RASEF: variants seen among roughly 807,000 people sequenced by gnomAD.
RASEF encodes the protein RAS and EF-hand domain containing.
Under a neutral mutation model 90.1 loss-of-function variants are expected in RASEF, and 68 were observed. That is an observed-to-expected ratio of 0.75 (90% confidence interval 0.62 to 0.92). The LOEUF (loss-of-function observed/expected upper bound fraction) is 0.92. Ranked by LOEUF, RASEF falls within the 40% of genes least tolerant of loss-of-function variation. The pLI, the probability that RASEF is intolerant of heterozygous loss-of-function variation, is 0.00. For missense variants in RASEF, 949 were observed against 937.2 expected, an observed-to-expected ratio of 1.01 and a Z score of -0.16; for synonymous variants, 331 against 345.2, an observed-to-expected ratio of 0.96 and a Z score of 0.46.
chr9:82,998,484 T>C, intron 12 of RASEF, 38 bp from the exon 13 acceptor site: 1 of 1,310,974 alleles, frequency 7.6e-7, no homozygotes, highest in East Asian at 2.3e-5. Flanking sequence ...ACGATGTAAA[T>C]AATTCCATTG....
At chr9:83,132,660 A>G in the RASEF span, among the ~76,000 whole-genome samples, 1 of 152,286 alleles carries the variant, frequency 6.6e-6, no homozygotes, top group Non-Finnish European at 1.5e-5. Flanking sequence ...TTCATATGCT[A>G]ATGAGCATGT....
Position 82,983,150 on chromosome 9 carries a change from CACACA to C in RASEF, c.2118-373_2118-369del, listed in dbSNP as rs1564066615. 4.7e-4 allele frequency among the ~76,000 whole-genome samples: 71 copies of C among 150,776 alleles called. 1 individual carries two copies. The highest frequency in any genetic ancestry group is 8.0e-4 in the Non-Finnish European group (54 of 67,638). On this transcript the variant is annotated intron_variant, in intron 16 of 16. Transcript: ENST00000376447. Reference sequence around the variant, plus strand: ...ACACACACACACACACACACACACACACACACCCTTCTCCCCTCACTCTCTCCTGA... The same window carrying C: ...ACACACACACACACACACACACACACCCCTTCTCCCCTCACTCTCTCCTGA...
upstream of RASEF, among the ~76,000 whole-genome samples, chr9:83,067,316 T>C (rs994369353): frequency 5.3e-5 from 8 of 152,170 alleles, no homozygotes; most frequent in African/African-American, 1.9e-4. Flanking sequence ...CATGAATATA[T>C]ACTCAGAGCT....
chr9:83,121,029 C>T, the RASEF span, among the ~76,000 whole-genome samples: 1 of 152,114 alleles, frequency 6.6e-6, no homozygotes, highest in African/African-American at 2.4e-5. Context: ...TCAAAATCTG[C>T]CTTCATATTA....
chr9:82,990,303 A>G (rs1828788805), intron 16 of RASEF, 88 bp downstream of exon 16: 1 of 855,060 alleles, frequency 1.2e-6, no homozygotes, highest in South Asian at 1.5e-5. Flanking sequence ...GTTTTCCCGC[A>G]TATATTCTAT....
intron 9 of RASEF, 49 bp from the exon 10 acceptor site, chr9:83,001,179 A>C: frequency 7.3e-7 from 1 of 1,369,600 alleles, no homozygotes; most frequent in South Asian, 1.2e-5. Flanking sequence ...GAAATGCTCA[A>C]GAACATACAG....
chr9:83,082,970 C>T, the RASEF span, among the ~76,000 whole-genome samples: 1 of 152,142 alleles, frequency 6.6e-6, no homozygotes, highest in African/African-American at 2.4e-5. Flanking sequence ...AGACACATAT[C>T]TGTAGCAAAC....
intron 1 of RASEF, among the ~76,000 whole-genome samples, chr9:83,037,272 T>C (rs1564084955): frequency 6.6e-6 from 1 of 151,752 alleles, no homozygotes; most frequent in African/African-American, 2.4e-5. Context: ...TTCAAAAAGG[T>C]AAATGAGGCT....
chr9:83,038,176 T>A (rs1451694543), intron 1 of RASEF, among the ~76,000 whole-genome samples: 3 of 152,124 alleles, frequency 2.0e-5, no homozygotes, highest in Non-Finnish European at 2.9e-5. Flanking sequence ...TGTTAATAAA[T>A]TTGTCAAAGT....
At chr9:83,055,486 T>C in intron 1 of RASEF, 1 of 677,930 alleles carries the variant, frequency 1.5e-6, no homozygotes, top group Non-Finnish European at 2.7e-6. Flanking sequence ...CAGATGGAAA[T>C]GCAGAAATCA....
At chr9:83,160,506 AG>A in the RASEF span, among the ~76,000 whole-genome samples, 41 of 152,318 alleles carry the variant, frequency 2.7e-4, no homozygotes, top group African/African-American at 8.2e-4. Flanking sequence ...AGCATTCAAG[AG>A]GTGGCTTGGG....
chr9:83,055,694 A>G (rs1830090131), intron 1 of RASEF: 4 of 717,312 alleles, frequency 5.6e-6, no homozygotes, highest in Non-Finnish European at 7.8e-6. Flanking sequence ...CTGTAATACA[A>G]AAGTCATCCA....
At chr9:83,004,419 A>ATTCTATT in intron 9 of RASEF, 79 bp downstream of exon 9, 7 of 809,608 alleles carry the variant, frequency 8.6e-6, no homozygotes, top group Non-Finnish European at 1.2e-5. Flanking sequence ...CTATTATTTT[A>ATTCTATT]ATCCACCTCC....
At chr9:83,185,913 C>T in the RASEF span, among the ~76,000 whole-genome samples, 2 of 152,038 alleles carry the variant, frequency 1.3e-5, no homozygotes, top group Non-Finnish European at 2.9e-5. Flanking sequence ...GGGGTGCAGC[C>T]ACCACGGGAG....
the RASEF span, among the ~76,000 whole-genome samples, chr9:83,075,983 C>T: frequency 6.6e-6 from 1 of 151,914 alleles, no homozygotes; most frequent in South Asian, 2.1e-4. Flanking sequence ...GCCTGGCCAC[C>T]ACAGTGAAAC....
the RASEF span, among the ~76,000 whole-genome samples, chr9:83,121,831 C>G: frequency 9.7e-6 from 1 of 103,286 alleles, no homozygotes; most frequent in Admixed American, 8.7e-5. Context: ...ATGCAGAGAG[C>G]AATGACTCTG....
chr9:82,985,116 A>G, intron 16 of RASEF, among the ~76,000 whole-genome samples: 1 of 152,234 alleles, frequency 6.6e-6, no homozygotes, highest in Non-Finnish European at 1.5e-5. Flanking sequence ...TGGGAAAAAG[A>G]GATAGAAATT....
chr9:83,008,891 CATATATATATATATATATATA>C (rs1358468132), intron 6 of RASEF, among the ~76,000 whole-genome samples: 6 of 19,564 alleles, frequency 3.1e-4, no homozygotes, highest in Non-Finnish European at 5.8e-4. Flanking sequence ...AAGTTCTCAT[CATATATATATATATATATATA>C]TATATATATA....
chr9:83,066,400 G>C (rs1587534911), upstream of RASEF, among the ~76,000 whole-genome samples: 1 of 152,238 alleles, frequency 6.6e-6, no homozygotes, highest in Non-Finnish European at 1.5e-5. Flanking sequence ...CAGCAGGAAT[G>C]TTTTTGAATA....
Sources: allele counts gnomAD v4.1 joint callset (sites outside exome capture counted in the v4.1 genomes callset), GRCh38; gene constraint gnomAD v4.1.1; transcripts MANE v1.5; gene names NCBI Gene and HGNC (gene_info 2026-07-23, HGNC 2026-07-21).